Variants in TEAD1 observed in about 807,000 individuals in gnomAD.
TEAD1 encodes the protein TEA domain transcription factor 1.
Under a neutral mutation model 54.9 loss-of-function variants are expected in TEAD1, and 9 were observed. The observed-to-expected ratio is 0.16, with a 90% confidence interval of 0.10 to 0.29. The LOEUF is 0.29. Ranked by LOEUF, TEAD1 falls within the 10% of genes least tolerant of loss-of-function variation. The probability of loss-of-function intolerance (pLI) is 1.00; values close to 1 mark genes in which losing one functional copy is unlikely to be tolerated. For missense variants in TEAD1, 387 were observed against 535.9 expected, an observed-to-expected ratio of 0.72 and a Z score of 2.74; for synonymous variants, 200 against 187.8, an observed-to-expected ratio of 1.07 and a Z score of -0.53.
chr11:12,708,503 A>G (rs916551057), intron 2 of TEAD1, among the ~76,000 whole-genome samples: 2 of 152,070 alleles, frequency 1.3e-5, no homozygotes, highest in Admixed American at 6.5e-5. Flanking sequence ...GGCAAATTTC[A>G]TATGTGATTG....
intron 10 of TEAD1, among the ~76,000 whole-genome samples, chr11:12,919,338 A>C (rs1007015637): frequency 4.3e-4 from 66 of 152,314 alleles, no homozygotes; most frequent in African/African-American, 1.6e-3. Context: ...CCGCAGCTGC[A>C]AGCAGTAAGG....
intron 5 of TEAD1, among the ~76,000 whole-genome samples, chr11:12,869,946 C>A (rs1947705612): frequency 6.6e-6 from 1 of 152,076 alleles, no homozygotes; most frequent in Admixed American, 6.5e-5. Flanking sequence ...GTGGCGCCAT[C>A]TCGGCTCATT....
At chr11:12,923,891 G>A (rs1490775618) in intron 10 of TEAD1, among the ~76,000 whole-genome samples, 1 of 152,194 alleles carries the variant, frequency 6.6e-6, no homozygotes, top group Non-Finnish European at 1.5e-5. Context: ...TGAATTTGGT[G>A]GGGGCACATT....
In TEAD1 at chr11:12,798,013, G is replaced by A. The variant is rs183556303; in HGVS notation, c.202+33579G>A. On this transcript the variant is annotated intron_variant, in intron 3 of 12. Transcript: ENST00000527636. Reference sequence around the variant, plus strand: ...GTCTCTAGCTATGCTTTCCATCCCTGCAATGGAAATTAAACTTTTTATTAA... The same window carrying A: ...GTCTCTAGCTATGCTTTCCATCCCTACAATGGAAATTAAACTTTTTATTAA... 1.1e-4 allele frequency among the ~76,000 whole-genome samples: 16 copies of A among 152,242 alleles called. No homozygotes were observed. In the East Asian group the frequency reaches 3.1e-3, roughly 29 times the overall value.
At chr11:12,849,897 A>G (rs1009562547) in intron 3 of TEAD1, among the ~76,000 whole-genome samples, 10 of 152,230 alleles carry the variant, frequency 6.6e-5, no homozygotes, top group South Asian at 6.2e-4. Context: ...AGATATCACA[A>G]TAAGTGCTCT....
chr11:12,866,751 A>C (rs1016463245), intron 5 of TEAD1, among the ~76,000 whole-genome samples: 1 of 152,184 alleles, frequency 6.6e-6, no homozygotes, highest in African/African-American at 2.4e-5. Flanking sequence ...CTTTCCTACC[A>C]TATTGTTCTT....
intron 3 of TEAD1, among the ~76,000 whole-genome samples, chr11:12,767,281 G>C (rs1346284148): frequency 6.6e-6 from 1 of 152,186 alleles, no homozygotes; most frequent in Non-Finnish European, 1.5e-5. Flanking sequence ...ACACAAACCA[G>C]ACCAGGAGTC....
intron 3 of TEAD1, among the ~76,000 whole-genome samples, chr11:12,814,667 A>G (rs917302429): frequency 6.6e-6 from 1 of 152,114 alleles, no homozygotes; most frequent in Non-Finnish European, 1.5e-5. Flanking sequence ...TAATCCCCTA[A>G]TAGCAGCAAG....
chr11:12,933,304 T>C (rs1278701233), intron 12 of TEAD1, among the ~76,000 whole-genome samples: 1 of 152,164 alleles, frequency 6.6e-6, no homozygotes, highest in Non-Finnish European at 1.5e-5. Context: ...TATCAATCAA[T>C]ATATATTAGA....
chr11:12,714,808 G>C (rs1944019847), intron 2 of TEAD1, among the ~76,000 whole-genome samples: 1 of 152,144 alleles, frequency 6.6e-6, no homozygotes, highest in Non-Finnish European at 1.5e-5. Context: ...GTCCTTGGGT[G>C]GTCTCTCCTC....
intron 2 of TEAD1, among the ~76,000 whole-genome samples, chr11:12,700,012 A>G (rs1943663426): frequency 6.6e-6 from 1 of 152,254 alleles, no homozygotes; most frequent in African/African-American, 2.4e-5. Flanking sequence ...GTCAACCCAC[A>G]CATTATTTGG....
intron 5 of TEAD1, among the ~76,000 whole-genome samples, chr11:12,867,396 G>A (rs760586007): frequency 6.6e-6 from 1 of 152,184 alleles, no homozygotes; most frequent in Admixed American, 6.5e-5. Context: ...GGTTGGTGCT[G>A]TGAGGGTCAT....
At chr11:12,934,544 A>T (rs1038252396) in intron 12 of TEAD1, among the ~76,000 whole-genome samples, 12 of 152,106 alleles carry the variant, frequency 7.9e-5, no homozygotes, top group African/African-American at 2.4e-4. Flanking sequence ...AGTATAATAA[A>T]AAATAAATAA....
chr11:12,677,659 G>C (rs1321827987), intron 2 of TEAD1, among the ~76,000 whole-genome samples: 1 of 152,098 alleles, frequency 6.6e-6, no homozygotes, highest in African/African-American at 2.4e-5. Context: ...TTTTATCATC[G>C]GTGTTTAGAT....
intron 2 of TEAD1, among the ~76,000 whole-genome samples, chr11:12,741,261 C>G (rs181937272): frequency 7.8e-4 from 119 of 151,596 alleles, no homozygotes; most frequent in African/African-American, 2.7e-3. Flanking sequence ...TTAAGTCATT[C>G]TCTTCTTCAT....
intron 4 of TEAD1, chr11:12,864,624 TTTG>T (rs2134070849): frequency 9.1e-7 from 1 of 1,102,878 alleles, no homozygotes; most frequent in East Asian, 3.1e-5. Context: ...CCTTTTTTGT[TTTG>T]TTTTGTTTTG....
chr11:12,788,469 T>G (rs964724742), intron 3 of TEAD1, among the ~76,000 whole-genome samples: 1 of 152,204 alleles, frequency 6.6e-6, no homozygotes, highest in South Asian at 2.1e-4. Flanking sequence ...TTGACAAGCC[T>G]TTTGACTTAG....
intron 4 of TEAD1, among the ~76,000 whole-genome samples, chr11:12,863,020 G>T (rs1053785744): frequency 6.6e-6 from 1 of 151,290 alleles, no homozygotes; most frequent in Non-Finnish European, 1.5e-5. Context: ...ACAAAAAAAA[G>T]AAAGGAGGAA....
At chr11:12,912,713 C>T (rs1948639524) in intron 10 of TEAD1, among the ~76,000 whole-genome samples, 1 of 152,114 alleles carries the variant, frequency 6.6e-6, no homozygotes, top group Non-Finnish European at 1.5e-5. Flanking sequence ...CATTGCTTTT[C>T]CTCCCATCCT....
Sources: allele counts gnomAD v4.1 joint callset (sites outside exome capture counted in the v4.1 genomes callset), GRCh38; gene constraint gnomAD v4.1.1; transcripts MANE v1.5; gene names NCBI Gene and HGNC (gene_info 2026-07-23, HGNC 2026-07-21).